The following MORN1 variants were observed in gnomAD, a reference collection of about 807,000 sequenced individuals.
The protein encoded by MORN1 is MORN repeat-containing protein 1.
Under a neutral mutation model 61.9 loss-of-function variants are expected in MORN1, and 67 were observed. The observed-to-expected ratio is 1.08, with a 90% CI of 0.89 to 1.33. The LOEUF (loss-of-function observed/expected upper bound fraction) is 1.33. Among genes scored for constraint, MORN1 ranks in the 40% most tolerant of loss-of-function variants. MORN1 has a pLI of 0.00. For missense variants in MORN1, 752 were observed against 691.2 expected (o/e 1.09, Z -0.99); for synonymous variants, 301 against 292.0 (o/e 1.03, Z -0.31).
intron 12 of MORN1, among the ~76,000 whole-genome samples, chr1:2,335,645 A>T (rs1457966815): frequency 6.6e-6 from 1 of 152,112 alleles, no homozygotes; most frequent in Admixed American, 6.5e-5. Context: ...TCCAATCAGG[A>T]ATCCCAAACG....
chr1:2,325,125 T>TCTTTCCTTCCCTCCCTCCCTCCCTTC (rs1557865179), intron 12 of MORN1, among the ~76,000 whole-genome samples: 1 of 30,792 alleles, frequency 3.2e-5, no homozygotes, highest in Non-Finnish European at 5.8e-5. Flanking sequence ...TTCCTTCCCT[T>TCTTTCCTTCCCTCCCTCCCTCCCTTC]CCTTCCTTCC....
chr1:2,348,795 A>G (rs1641585764), intron 10 of MORN1, among the ~76,000 whole-genome samples: 1 of 146,830 alleles, frequency 6.8e-6, no homozygotes, highest in South Asian at 2.1e-4. Flanking sequence ...ACGCACGCAC[A>G]CGCACTCCTG....
rs1300827393 is a variant in MORN1 at position 2,321,403 on chromosome 1, C to T, written c.1474G>A (p.Glu492Lys). The T allele has an allele frequency of 1.8e-5, 27 of 1,534,354 alleles. No individual in the cohort carries two copies. Among genetic ancestry groups the T allele is most frequent in the Non-Finnish European group, 2.4e-5 (27 of 1,139,978 alleles). ...SWQAAHSCTP[E>K]PPAPR ...GGGCCTCACCGAGGCGCTGGCGGCTCTGGGGTGCAGCTGTGGGCGGCCTGC... is the reference window on the plus strand; with the variant it reads ...GGGCCTCACCGAGGCGCTGGCGGCTTTGGGGTGCAGCTGTGGGCGGCCTGC... The change falls in exon 14 of 14, where the codon GAG (glutamate) becomes AAG (lysine). Residue 492 changes from glutamate (E) to lysine (K), a missense_variant. Coordinates refer to ENST00000378531, the MANE Select transcript of MORN1 (RefSeq NM_024848.3).
In MORN1 at chr1:2,337,768, T is replaced by C. The variant is rs1641311006; in HGVS notation, c.1037-918A>G. Among the ~76,000 whole-genome samples the C allele has an allele frequency of 6.6e-6, 1 of 151,810 alleles. No individual in the cohort carries two copies. Among genetic ancestry groups the C allele is most frequent in the Non-Finnish European group, 1.5e-5 (1 of 67,912 alleles). Reference sequence around the variant, plus strand: ...GGTGCTAGCAGGAGGCCACGGGATGTGGTGAGGGCTGGAGGTCGGCACCAG... The same window carrying C: ...GGTGCTAGCAGGAGGCCACGGGATGCGGTGAGGGCTGGAGGTCGGCACCAG... On this transcript the variant is annotated intron_variant, in intron 10 of 13. Transcript: ENST00000378531. The surrounding 1 kb of genome is among the most constrained non-coding windows in gnomAD (Gnocchi z 5.7).
intron 10 of MORN1, among the ~76,000 whole-genome samples, chr1:2,347,384 A>T (rs547201865): frequency 6.6e-6 from 1 of 151,758 alleles, no homozygotes; most frequent in Admixed American, 6.6e-5. Context: ...GCTGCCCCCT[A>T]CCCCCGATCA....
At chr1:2,341,410 AAG>A (rs1382660771) in intron 10 of MORN1, among the ~76,000 whole-genome samples, 1 of 152,108 alleles carries the variant, frequency 6.6e-6, no homozygotes, top group Non-Finnish European at 1.5e-5. Flanking sequence ...AAAAGGCTAA[AAG>A]GGGCCGGGCG....
chr1:2,325,285 C>T (rs966320536), intron 12 of MORN1, among the ~76,000 whole-genome samples: 2 of 107,874 alleles, frequency 1.9e-5, no homozygotes, highest in African/African-American at 8.9e-5. Flanking sequence ...TTCTCTCTCT[C>T]TCCTCTCTCT....
chr1:2,339,732 C>T (rs956097869), intron 10 of MORN1, among the ~76,000 whole-genome samples: 14 of 152,158 alleles, frequency 9.2e-5, no homozygotes, highest in Admixed American at 7.2e-4. Context: ...ATTGTTTACA[C>T]GGGACCCTCA....
intron 12 of MORN1, among the ~76,000 whole-genome samples, chr1:2,325,110 TTCCCTTCCTTCCCTTCCTTCCTTCCC>T (rs1640978665): frequency 6.5e-5 from 3 of 45,928 alleles, no homozygotes; most frequent in Admixed American, 1.9e-4. Context: ...TCCCCTTTCC[TTCCCTTCCTTCCCTTCCTTCCTTCCC>T]TCCCTCCCTC....
intron 12 of MORN1, among the ~76,000 whole-genome samples, chr1:2,325,140 C>CTTCCTTCCT (rs371807562): frequency 2.5e-3 from 17 of 6,692 alleles, no homozygotes; most frequent in East Asian, 7.0e-3. Flanking sequence ...CCTTCCCTCC[C>CTTCCTTCCT]TCCCTCCCTT....
Position 2,391,537 on chromosome 1 carries a change from G to A in MORN1, c.-4C>T. 1.6e-6 allele frequency: 2 copies of A among 1,249,234 alleles called. No individual in the cohort carries two copies. Among genetic ancestry groups the A allele is most frequent in the Non-Finnish European group, 1.0e-6 (1 of 990,302 alleles). The allele number at this position is 1,249,234 out of a possible 1,614,324, so 77.4% of individuals were successfully genotyped here. A position where few individuals can be genotyped will look rare whatever the true frequency, so the allele number is the denominator to read the frequency against. The stretch of plus-strand genomic sequence containing the variant: ...TGCCCTCGCCCGCCGCTGCCATCTT[G>A]CCGCCGAGGGTTCTCTTAGCGACCA... On this transcript the variant is annotated 5_prime_UTR_variant, in exon 1 of 14. Transcript: ENST00000378531.
chr1:2,338,653 G>C (rs1467851854), intron 10 of MORN1, among the ~76,000 whole-genome samples: 1 of 152,220 alleles, frequency 6.6e-6, no homozygotes, highest in African/African-American at 2.4e-5. Flanking sequence ...GGCAAGGTGG[G>C]AGTTTAGAAA....
intron 10 of MORN1, among the ~76,000 whole-genome samples, chr1:2,354,508 G>A (rs778011293): frequency 2.0e-5 from 3 of 152,080 alleles, no homozygotes; most frequent in South Asian, 2.1e-4. Context: ...TGGAGGCTGC[G>A]ATGAGCCGAG....
rs1158642820 is a variant in MORN1 at position 2,353,875 on chromosome 1, T to G, written c.1036+3557A>C. On this transcript the variant is annotated intron_variant, in intron 10 of 13. Coordinates refer to ENST00000378531, the MANE Select transcript of MORN1 (RefSeq NM_024848.3). ...GGAGATGGGAATTGGGAAGAAAAGTTTGTGTCAACTCCTGCATGGAATGAA... is the reference window on the plus strand; with the variant it reads ...GGAGATGGGAATTGGGAAGAAAAGTGTGTGTCAACTCCTGCATGGAATGAA... Among the ~76,000 whole-genome samples, 3 of 152,190 alleles carry G rather than the reference T, an allele frequency of 2.0e-5. No homozygotes were observed. In the East Asian group the frequency reaches 5.8e-4, roughly 29 times the overall value.
At chr1:2,327,005 C>T (rs1206047078) in intron 12 of MORN1, among the ~76,000 whole-genome samples, 1 of 149,404 alleles carries the variant, frequency 6.7e-6, no homozygotes, top group African/African-American at 2.6e-5. Flanking sequence ...GACACAGAAA[C>T]ACACAGAAAC....
intron 12 of MORN1, 43 bp from the exon 13 acceptor site, chr1:2,324,186 G>GC: frequency 6.4e-7 from 1 of 1,561,876 alleles, no homozygotes; most frequent in Non-Finnish European, 8.7e-7. Context: ...CCCTGCCTGG[G>GC]CCCCGACGAC....
chr1:2,324,602 G>T (rs1384585857), intron 12 of MORN1, among the ~76,000 whole-genome samples: 1 of 152,136 alleles, frequency 6.6e-6, no homozygotes, highest in Admixed American at 6.5e-5. Flanking sequence ...GCGGTGGTAT[G>T]GTGCCCCCTT....
chr1:2,340,093 G>C (rs191145918), intron 10 of MORN1, among the ~76,000 whole-genome samples: 1 of 152,142 alleles, frequency 6.6e-6, no homozygotes, highest in Non-Finnish European at 1.5e-5. Context: ...CGGTGTCATC[G>C]GCTACAGATG....
chr1:2,358,386 G>T (rs866451566), intron 9 of MORN1, among the ~76,000 whole-genome samples: 1 of 152,140 alleles, frequency 6.6e-6, no homozygotes, highest in Non-Finnish European at 1.5e-5. Flanking sequence ...AGGGGCTCGC[G>T]GTCTCAGAAG....
Sources: allele counts gnomAD v4.1 joint callset (sites outside exome capture counted in the v4.1 genomes callset), GRCh38; gene constraint gnomAD v4.1.1; non-coding constraint Gnocchi (gnomAD v3.1); transcripts MANE v1.5; gene names NCBI Gene and HGNC (gene_info 2026-07-23, HGNC 2026-07-21).